Variants in ARHGAP26 observed in about 807,000 individuals in gnomAD.
The protein encoded by ARHGAP26 is rho GTPase-activating protein 26.
Under a neutral mutation model 104.8 loss-of-function variants are expected in ARHGAP26, and 38 were observed. The observed-to-expected ratio is 0.36, with a 90% CI of 0.28 to 0.48. ARHGAP26 has a LOEUF of 0.48. ARHGAP26 is among the 20% of genes least tolerant of loss of function. The probability of loss-of-function intolerance (pLI) is 0.99; values close to 1 mark genes in which losing one functional copy is unlikely to be tolerated. For missense variants in ARHGAP26, 704 were observed against 947.9 expected, an observed-to-expected ratio of 0.74 and a Z score of 3.38; for synonymous variants, 341 against 340.0, an observed-to-expected ratio of 1.00 and a Z score of -0.03.
At chr5:143,135,716 C>T (rs1380041772) in intron 19 of ARHGAP26, among the ~76,000 whole-genome samples, 2 of 152,216 alleles carry the variant, frequency 1.3e-5, no homozygotes, top group African/African-American at 4.8e-5. Flanking sequence ...TATTAACATC[C>T]TTGTAACTAA....
chr5:143,184,391 G>T (rs1486604340), intron 20 of ARHGAP26, among the ~76,000 whole-genome samples: 2 of 152,184 alleles, frequency 1.3e-5, no homozygotes, highest in Non-Finnish European at 2.9e-5. Flanking sequence ...TTCCCTGAGG[G>T]TTATGGAGGG....
At chr5:142,913,525 G>A (rs1762105157) in intron 10 of ARHGAP26, among the ~76,000 whole-genome samples, 1 of 151,834 alleles carries the variant, frequency 6.6e-6, no homozygotes, top group African/African-American at 2.4e-5. Flanking sequence ...TATCTTTTGG[G>A]TTCAGCACTG....
intron 20 of ARHGAP26, among the ~76,000 whole-genome samples, chr5:143,164,149 T>A (rs951228098): frequency 6.6e-6 from 1 of 152,074 alleles, no homozygotes; most frequent in Admixed American, 6.5e-5. Flanking sequence ...AATATCCTAT[T>A]AAAATAAAAT....
chr5:143,145,050 A>G (rs970450550), intron 19 of ARHGAP26, among the ~76,000 whole-genome samples: 2 of 152,218 alleles, frequency 1.3e-5, no homozygotes, highest in African/African-American at 4.8e-5. Flanking sequence ...TTCAAGATGC[A>G]TATTTGGCCC....
chr5:142,872,112 G>A lies in ARHGAP26; in HGVS notation c.155-1288G>A, dbSNP rs186564689. 1.8e-4 allele frequency among the ~76,000 whole-genome samples: 27 copies of A among 152,244 alleles called. No homozygotes were observed. In the South Asian group the frequency reaches 5.0e-3, roughly 28 times the overall value. Reference sequence around the variant, plus strand: ...GGAAGGAGCACTGGGGATTGGATTTGTATCCAGTGCCCCCACTCCCACCGC... The same window carrying A: ...GGAAGGAGCACTGGGGATTGGATTTATATCCAGTGCCCCCACTCCCACCGC... On this transcript the variant is annotated intron_variant, in intron 1 of 22. Transcript: ENST00000645722.
At chr5:143,058,735 T>G (rs1279164894) in intron 17 of ARHGAP26, among the ~76,000 whole-genome samples, 3 of 152,254 alleles carry the variant, frequency 2.0e-5, no homozygotes, top group Non-Finnish European at 4.4e-5. Context: ...TTCATCTTTC[T>G]GTCAAGCACT....
In ARHGAP26 at chr5:142,770,378, G is replaced by C. The variant is rs978361612; in HGVS notation, c.-384G>C. On this transcript the variant is annotated 5_prime_UTR_variant, in exon 1 of 23. Transcript: ENST00000645722. ...ATCGCTAGCAGGTTCGAGCGGCCCA[G>C]ACACCGGCGGGGCGGCCGAGGCTGC... 5.3e-6 allele frequency: 1 copy of C among 188,368 alleles called. No individual in the cohort carries two copies. The highest frequency in any genetic ancestry group is 1.1e-5 in the Non-Finnish European group (1 of 89,358). The allele number at this position is 188,368 out of a possible 1,614,324, so 11.7% of individuals were successfully genotyped here.
chr5:143,209,638 AG>A (rs1300209543), intron 21 of ARHGAP26, among the ~76,000 whole-genome samples: 1 of 152,042 alleles, frequency 6.6e-6, no homozygotes, highest in African/African-American at 2.4e-5. Flanking sequence ...AAAATTAGCC[AG>A]GCATGGTGGT....
intron 17 of ARHGAP26, among the ~76,000 whole-genome samples, chr5:143,075,389 T>G (rs1788850104): frequency 6.6e-6 from 1 of 151,328 alleles, no homozygotes; most frequent in Non-Finnish European, 1.5e-5. Context: ...GGGAATAGAC[T>G]TTTAGGTCAA....
intron 1 of ARHGAP26, among the ~76,000 whole-genome samples, chr5:142,775,498 GTTACCACT>G (rs1387061385): frequency 6.6e-6 from 1 of 152,166 alleles, no homozygotes; most frequent in African/African-American, 2.4e-5. Context: ...TAACACAACG[GTTACCACT>G]TTAGTCATTT....
rs763439875 is a variant in ARHGAP26, at chr5:142,840,276, G to T, written c.155-33124G>T. ...AGTTTTTGGGTGGAACCTGAACTGT[G>T]TTTATTCAGAACTATGTAAATATAT... is the stretch of plus-strand genomic sequence containing the variant. On this transcript the variant is annotated intron_variant, in intron 1 of 22. Coordinates refer to ENST00000645722, the MANE Select transcript of ARHGAP26 (RefSeq NM_001135608.3). 7.2e-5 allele frequency among the ~76,000 whole-genome samples: 11 copies of T among 152,300 alleles called. No homozygotes were observed. In the South Asian group the frequency reaches 8.3e-4, roughly 11 times the overall value.
At chr5:143,046,828 G>C (rs1598787142) in intron 14 of ARHGAP26, among the ~76,000 whole-genome samples, 3 of 152,090 alleles carry the variant, frequency 2.0e-5, no homozygotes, top group Admixed American at 6.6e-5. Context: ...TGGTCATTGT[G>C]AAAATTTGGA....
chr5:143,087,594 A>C (rs993715496), intron 17 of ARHGAP26, among the ~76,000 whole-genome samples: 2 of 134,424 alleles, frequency 1.5e-5, no homozygotes, highest in East Asian at 4.5e-4. Context: ...TCTGTTACCT[A>C]TGCCAGAATA....
At chr5:142,991,885 A>G (rs1775672554) in intron 11 of ARHGAP26, among the ~76,000 whole-genome samples, 1 of 152,172 alleles carries the variant, frequency 6.6e-6, no homozygotes, top group Non-Finnish European at 1.5e-5. Context: ...ATGACTGTAT[A>G]TTTATCTTTG....
chr5:142,787,432 ACTGGGTATGAGAT>A (rs1434538539), intron 1 of ARHGAP26, among the ~76,000 whole-genome samples: 3 of 152,204 alleles, frequency 2.0e-5, no homozygotes, highest in Non-Finnish European at 4.4e-5. Flanking sequence ...AGGTCAGGAA[ACTGGGTATGAGAT>A]CTGAGTCTTT....
intron 1 of ARHGAP26, among the ~76,000 whole-genome samples, chr5:142,811,321 C>T (rs906336723): frequency 3.9e-5 from 6 of 152,190 alleles, no homozygotes; most frequent in Non-Finnish European, 1.5e-5. Context: ...GATGCAGACA[C>T]TGTGAAATGT....
chr5:143,048,928 A>G (rs1016938124), intron 14 of ARHGAP26, among the ~76,000 whole-genome samples: 6 of 151,420 alleles, frequency 4.0e-5, no homozygotes, highest in African/African-American at 1.5e-4. Context: ...AGAAAAAAAA[A>G]AAAAAAAACC....
chr5:143,180,345 C>T lies in ARHGAP26; in HGVS notation c.1989-26853C>T, dbSNP rs142149250. On this transcript the variant is annotated intron_variant, in intron 20 of 22. Coordinates refer to ENST00000645722, the MANE Select transcript of ARHGAP26 (RefSeq NM_001135608.3). ...TTCACCATGTTGGCCAGGATGGTCT[C>T]GATCTCTTGACCTCGTGATCTGCCC... 4.8e-3 allele frequency among the ~76,000 whole-genome samples: 730 copies of T among 152,128 alleles called. 8 individuals carry two copies. Among genetic ancestry groups the T allele is most frequent in the African/African-American group, 0.017 (697 of 41,488 alleles).
intron 3 of ARHGAP26, among the ~76,000 whole-genome samples, chr5:142,876,088 T>A (rs994301730): frequency 2.6e-5 from 4 of 152,186 alleles, no homozygotes; most frequent in Non-Finnish European, 4.4e-5. Flanking sequence ...ATTCCACATC[T>A]ACAGGAAGTT....
Sources: allele counts gnomAD v4.1 joint callset (sites outside exome capture counted in the v4.1 genomes callset), GRCh38; gene constraint gnomAD v4.1.1; transcripts MANE v1.5; gene names NCBI Gene and HGNC (gene_info 2026-07-23, HGNC 2026-07-21).